The following RRAS2 variants were observed in gnomAD, a reference collection of about 807,000 sequenced individuals.
The protein encoded by RRAS2 is RAS related 2.
Under a neutral mutation model 27.6 loss-of-function variants are expected in RRAS2, and 7 were observed. The ratio of observed to expected loss-of-function variants is 0.25; its 90% CI spans 0.14 to 0.48. The LOEUF (loss-of-function observed/expected upper bound fraction) is 0.48, where lower values mean the gene tolerates loss of function less well. Among genes scored for constraint, RRAS2 ranks in the 20% least tolerant of loss-of-function variants. RRAS2 has a pLI of 0.99. For missense variants in RRAS2, 178 were observed against 256.2 expected, an observed-to-expected ratio of 0.69 and a Z score of 2.08; for synonymous variants, 86 against 90.9, an observed-to-expected ratio of 0.95 and a Z score of 0.31.
chr11:14,327,827 A>C (rs1235048423), intron 1 of RRAS2, among the ~76,000 whole-genome samples: 1 of 152,244 alleles, frequency 6.6e-6, no homozygotes, highest in African/African-American at 2.4e-5. Context: ...AAAAAATTCA[A>C]GGATGAAAAG....
At chr11:14,319,497 T>C (rs1041993795) in intron 1 of RRAS2, among the ~76,000 whole-genome samples, 1 of 152,048 alleles carries the variant, frequency 6.6e-6, no homozygotes, top group African/African-American at 2.4e-5. Context: ...TAGCTGGGAC[T>C]ACAGGCGCCC....
chr11:14,358,774 G>T lies in RRAS2; in HGVS notation c.97C>A (p.Gln33Lys). 1 of 1,461,956 alleles carries T rather than the reference G, an allele frequency of 6.8e-7. No individual in the cohort carries two copies. The highest frequency in any genetic ancestry group is 9.1e-7 in the Non-Finnish European group (1 of 1,097,274). 90.6% of individuals were successfully genotyped at this position (1,461,956 alleles called of 1,614,324 possible). Residue 33 changes from glutamine (Q) to lysine (K), a missense_variant, in exon 1 of 6, where the codon CAG becomes AAG. Gln to Lys is a moderately conservative substitution (Grantham distance 53). Transcript: ENST00000256196. The surrounding 1 kb of genome is among the most constrained non-coding windows in gnomAD (Gnocchi z 5.1). ...GGVGKSALTI[Q>K]FIQSYFVTDY... ...CCCGCTCCAGGTACCTGGATGAACT[G>T]GATGGTGAGCGCCGACTTGCCCACG...
intron 1 of RRAS2, among the ~76,000 whole-genome samples, chr11:14,303,635 C>G (rs1414530045): frequency 6.6e-6 from 1 of 152,152 alleles, no homozygotes; most frequent in Non-Finnish European, 1.5e-5. Flanking sequence ...GTTTCAATAA[C>G]TGTCTTAACT....
At chr11:14,290,442 C>A (rs1451056211) in intron 4 of RRAS2, among the ~76,000 whole-genome samples, 13 of 152,082 alleles carry the variant, frequency 8.5e-5, no homozygotes, top group Admixed American at 8.5e-4. Context: ...AAGCAAGACC[C>A]GTTTCAGGGG....
intron 1 of RRAS2, among the ~76,000 whole-genome samples, chr11:14,331,604 T>C (rs995233695): frequency 3.4e-5 from 5 of 146,562 alleles, no homozygotes; most frequent in Middle Eastern, 3.4e-3. Flanking sequence ...TTCAGGAGAC[T>C]GGCGGGAGGA....
chr11:14,334,819 T>C (rs1848558115), intron 1 of RRAS2, among the ~76,000 whole-genome samples: 1 of 152,210 alleles, frequency 6.6e-6, no homozygotes, highest in Non-Finnish European at 1.5e-5. Context: ...ATCTTCCCTA[T>C]TGTACTAGCT....
chr11:14,295,750 CAAAG>C lies in RRAS2; in HGVS notation c.196+14_196+17del. On this transcript the variant is annotated intron_variant, in intron 2 of 5. Transcript: ENST00000256196. Reference sequence around the variant, plus strand: ...AAAATATGATATGCAAATTATCAAACAAAGGAAGTTTACTTACTATCTAGCCGGG... The same window carrying C: ...AAAATATGATATGCAAATTATCAAACGAAGTTTACTTACTATCTAGCCGGG... 2 of 1,568,486 alleles carry C rather than the reference CAAAG, an allele frequency of 1.3e-6. No individual in the cohort carries two copies. Among genetic ancestry groups the C allele is most frequent in the South Asian group, 1.2e-5 (1 of 83,616 alleles).
chr11:14,294,519 G>A lies in RRAS2; in HGVS notation c.360C>T (p.Phe120=), dbSNP rs1847495637. ...QILRVKDRDE[F]PMILIGNKAD... ...CTTTATTACCAATTAAAATCATTGG[G>A]AACTCATCACGATCCTTTACTCTGA... The change falls in exon 4 of 6, where the codon TTC becomes TTT. Residue 120 remains phenylalanine (F), a synonymous_variant. Coordinates refer to ENST00000256196, the MANE Select transcript of RRAS2 (RefSeq NM_012250.6). The A allele has an allele frequency of 2.5e-6, 4 of 1,599,862 alleles. No homozygotes were observed. The highest frequency in any genetic ancestry group is 1.7e-4 in the Middle Eastern group (1 of 5,906).
rs1849440847 is a variant in RRAS2, at chr11:14,278,713, T to A, written c.*624A>T. The stretch of plus-strand genomic sequence containing the variant: ...AGTCCAAATATTTGACCACATAGAA[T>A]ATTATCATCTCCAAGAGTAGGAGTA... On this transcript the variant is annotated 3_prime_UTR_variant, in exon 6 of 6. Coordinates refer to ENST00000256196, the MANE Select transcript of RRAS2 (RefSeq NM_012250.6). The A allele has an allele frequency of 6.6e-6, 1 of 152,408 alleles. No individual in the cohort carries two copies. Among genetic ancestry groups the A allele is most frequent in the African/African-American group, 2.4e-5 (1 of 41,456 alleles). 9.4% of individuals were successfully genotyped at this position (152,408 alleles called of 1,614,324 possible). A position where few individuals can be genotyped will look rare whatever the true frequency, so the allele number is the denominator to read the frequency against.
intron 4 of RRAS2, among the ~76,000 whole-genome samples, chr11:14,291,438 T>C (rs1395026118): frequency 2.0e-5 from 3 of 152,144 alleles, no homozygotes; most frequent in African/African-American, 4.8e-5. Flanking sequence ...GTAGACGCCA[T>C]ATAAATGAGC....
chr11:14,326,808 C>A (rs1359598429), intron 1 of RRAS2, among the ~76,000 whole-genome samples: 2 of 16,156 alleles, frequency 1.2e-4, no homozygotes, highest in African/African-American at 2.2e-4. Flanking sequence ...CGCCTGTAAT[C>A]CCAGCACTTT....
rs149173797 is a variant in RRAS2, at chr11:14,327,990, G to C, written c.108+30773C>G. 4.5e-4 allele frequency among the ~76,000 whole-genome samples: 69 copies of C among 152,072 alleles called. 1 individual carries two copies. In the East Asian group the frequency reaches 7.5e-3, roughly 17 times the overall value. On this transcript the variant is annotated intron_variant, in intron 1 of 5. Transcript: ENST00000256196. Reference sequence around the variant, plus strand: ...GTGACAAAGTTAAATGGCTTCATTAGAGAAAAAAAAGTCTTGACAGGATTT... The same window carrying C: ...GTGACAAAGTTAAATGGCTTCATTACAGAAAAAAAAGTCTTGACAGGATTT...
intron 1 of RRAS2, among the ~76,000 whole-genome samples, chr11:14,307,217 A>C (rs1050488360): frequency 2.1e-5 from 3 of 142,176 alleles, no homozygotes; most frequent in Non-Finnish European, 3.1e-5. Context: ...AAACAAAAAA[A>C]AACAAAAAAC....
At chr11:14,281,414 T>C (rs1849532511) in intron 5 of RRAS2, among the ~76,000 whole-genome samples, 188 bp downstream of exon 5, 1 of 152,238 alleles carries the variant, frequency 6.6e-6, no homozygotes, top group African/African-American at 2.4e-5. Context: ...CAAAATCCTA[T>C]GTGTACTTTA....
intron 1 of RRAS2, chr11:14,341,727 A>G (rs1848711301): frequency 2.4e-6 from 1 of 413,070 alleles, no homozygotes; most frequent in African/African-American, 2.1e-5. Context: ...CTACACAGTT[A>G]AGTCAGAGTA....
chr11:14,352,786 G>C (rs1259895128), intron 1 of RRAS2, among the ~76,000 whole-genome samples: 4 of 150,038 alleles, frequency 2.7e-5, no homozygotes, highest in Non-Finnish European at 4.4e-5. Flanking sequence ...GAGAGGGAGA[G>C]AGAGAGAGAG....
At chr11:14,352,753 ATATAGAGAGAGAGAGAGAGAGAGAGAGG>A (rs1554954950) in intron 1 of RRAS2, among the ~76,000 whole-genome samples, 1 of 126,898 alleles carries the variant, frequency 7.9e-6, no homozygotes, top group Non-Finnish European at 1.7e-5. Context: ...AAATATATAT[ATATAGAGAGAGAGAGAGAGAGAGAGAGG>A]GAGAGAGAGA....
rs1591442136 is a variant in RRAS2, at chr11:14,285,269, C to G, written c.409-3549G>C. On this transcript the variant is annotated intron_variant, in intron 4 of 5. Coordinates refer to ENST00000256196, the MANE Select transcript of RRAS2 (RefSeq NM_012250.6). The stretch of plus-strand genomic sequence containing the variant: ...ATGGTTTAAGAATCTTACAACAGAG[C>G]CAGGTGCAGTGGTGTATGCCTAAAG... 2.0e-5 allele frequency among the ~76,000 whole-genome samples: 3 copies of G among 152,084 alleles called. No individual in the cohort carries two copies. The South Asian group carries it at 6.2e-4, about 32-fold the overall frequency.
intron 1 of RRAS2, among the ~76,000 whole-genome samples, chr11:14,319,581 A>G (rs1421242935): frequency 6.6e-6 from 1 of 150,628 alleles, no homozygotes; most frequent in East Asian, 2.0e-4. Flanking sequence ...GATGGTCTCG[A>G]TCTCCTGACC....
Sources: allele counts gnomAD v4.1 joint callset (sites outside exome capture counted in the v4.1 genomes callset), GRCh38; gene constraint gnomAD v4.1.1; non-coding constraint Gnocchi (gnomAD v3.1); transcripts MANE v1.5; gene names NCBI Gene and HGNC (gene_info 2026-07-23, HGNC 2026-07-21).